Variants in CLASP1 observed in about 807,000 individuals in gnomAD.
The protein encoded by CLASP1 is CLIP-associating protein 1.
A neutral mutation model predicts 192.3 loss-of-function variants in CLASP1; 38 were observed. The ratio of observed to expected loss-of-function variants is 0.20; its 90% CI spans 0.15 to 0.26. CLASP1 has a LOEUF of 0.26. Among genes scored for constraint, CLASP1 ranks in the 10% least tolerant of loss-of-function variants. CLASP1 has a pLI of 1.00. For missense variants in CLASP1, 1,433 were observed against 1,932.5 expected (o/e 0.74, Z 4.85); for synonymous variants, 691 against 712.8 (o/e 0.97, Z 0.49).
At chr2:121,534,530 T>C (rs2094988936) in intron 2 of CLASP1, among the ~76,000 whole-genome samples, 1 of 152,082 alleles carries the variant, frequency 6.6e-6, no homozygotes, top group African/African-American at 2.4e-5. Context: ...AAATTTTCTT[T>C]TGTTGTTGTT....
chr2:121,374,766 T>C (rs374743274), intron 34 of CLASP1, among the ~76,000 whole-genome samples: 126 of 152,348 alleles, frequency 8.3e-4, no homozygotes, highest in African/African-American at 2.9e-3. Context: ...CTGTAGTCCC[T>C]TTGTTTTGGC....
chr2:121,510,353 G>A lies in CLASP1; in HGVS notation c.644+5312C>T, dbSNP rs1415703713. Among the ~76,000 whole-genome samples, 5 of 152,168 alleles carry A rather than the reference G, an allele frequency of 3.3e-5. No individual in the cohort carries two copies. In the East Asian group the frequency reaches 9.6e-4, roughly 29 times the overall value. On this transcript the variant is annotated intron_variant, in intron 7 of 39. Coordinates refer to ENST00000263710, the Ensembl canonical transcript of CLASP1. ...AATTAATGAAATAAGAACCTTGAAAGGGAAGGCATTACTGCTAAGCATGTA... is the reference window on the plus strand; with the variant it reads ...AATTAATGAAATAAGAACCTTGAAAAGGAAGGCATTACTGCTAAGCATGTA...
At chr2:121,341,272 T>C (rs2149076627) in intron 39 of CLASP1, among the ~76,000 whole-genome samples, 1 of 152,252 alleles carries the variant, frequency 6.6e-6, no homozygotes, top group East Asian at 1.9e-4. Context: ...GCCATTCATC[T>C]CAAGCACGAC....
chr2:121,480,967 C>A (rs2092554623), intron 8 of CLASP1, among the ~76,000 whole-genome samples: 1 of 152,236 alleles, frequency 6.6e-6, no homozygotes, highest in Non-Finnish European at 1.5e-5. Context: ...TAATGCCTGG[C>A]ATGCGTCCAA....
rs536508666 is a variant in CLASP1 at position 121,407,207 on chromosome 2, T to C, written c.2669+264A>G. ...TCCAGTCTGGGCAACAGAGCGAGAT[T>C]CCATCTCAAAAAAAAAAAAAAAGTA... On this transcript the variant is annotated intron_variant, in intron 25 of 39. Coordinates refer to ENST00000263710, the Ensembl canonical transcript of CLASP1. 2.0e-3 allele frequency among the ~76,000 whole-genome samples: 288 copies of C among 142,598 alleles called. 2 individuals carry two copies. Among genetic ancestry groups the C allele is most frequent in the African/African-American group, 6.7e-3 (241 of 35,718 alleles). 93.5% of individuals were successfully genotyped at this position (142,598 alleles called of 152,430 possible).
At chr2:121,594,372 T>C (rs2062850448) in intron 2 of CLASP1, among the ~76,000 whole-genome samples, 1 of 150,778 alleles carries the variant, frequency 6.6e-6, no homozygotes, top group Non-Finnish European at 1.5e-5. Context: ...GTATGTCTCG[T>C]AAATCAGGTA....
intron 2 of CLASP1, among the ~76,000 whole-genome samples, chr2:121,579,464 C>T (rs1422857880): frequency 6.6e-6 from 1 of 152,184 alleles, no homozygotes; most frequent in Non-Finnish European, 1.5e-5. Flanking sequence ...AACCGTTATC[C>T]ATTAGCAGCT....
At chr2:121,514,887 C>G (rs972475537) in intron 7 of CLASP1, among the ~76,000 whole-genome samples, 2 of 152,096 alleles carry the variant, frequency 1.3e-5, no homozygotes, top group African/African-American at 4.8e-5. Context: ...GCTGTGTAAT[C>G]TCTCAAAAGT....
At chr2:121,514,952 T>C (rs1346233923) in intron 7 of CLASP1, among the ~76,000 whole-genome samples, 1 of 152,202 alleles carries the variant, frequency 6.6e-6, no homozygotes, top group African/African-American at 2.4e-5. Flanking sequence ...CAGGCTCAGA[T>C]AAGCTGCCCT....
At chr2:121,453,026 C>T (rs1436445782) in intron 14 of CLASP1, among the ~76,000 whole-genome samples, 1 of 152,194 alleles carries the variant, frequency 6.6e-6, no homozygotes, top group Non-Finnish European at 1.5e-5. Context: ...GCGGCTCACG[C>T]CTGTAATCCC....
At chr2:121,580,687 T>C (rs1192895797) in intron 2 of CLASP1, among the ~76,000 whole-genome samples, 1 of 152,262 alleles carries the variant, frequency 6.6e-6, no homozygotes, top group Non-Finnish European at 1.5e-5. Flanking sequence ...TATATTCTCC[T>C]AGTGCTGGGT....
chr2:121,340,839 A>G (rs2062694256), exon 40 of CLASP1: 1 of 1,592,958 alleles, frequency 6.3e-7, no homozygotes. Flanking sequence ...TTCTAGGTCT[A>G]CACAAGAGAC....
intron 1 of CLASP1, among the ~76,000 whole-genome samples, chr2:121,607,776 T>A (rs1002106449): frequency 6.6e-6 from 1 of 152,172 alleles, no homozygotes; most frequent in Non-Finnish European, 1.5e-5. Flanking sequence ...AAATTCTCAG[T>A]AGAGTAACTC....
chr2:121,394,656 C>T (rs1029836285), intron 30 of CLASP1, among the ~76,000 whole-genome samples: 8 of 152,094 alleles, frequency 5.3e-5, no homozygotes, highest in Non-Finnish European at 1.2e-4. Context: ...CCAAGGTGGG[C>T]GGATCACGAG....
intron 8 of CLASP1, among the ~76,000 whole-genome samples, chr2:121,479,631 T>A (rs1489653456): frequency 6.6e-6 from 1 of 152,224 alleles, no homozygotes; most frequent in Non-Finnish European, 1.5e-5. Flanking sequence ...ACTGTCTGAA[T>A]TGAATGGCTG....
At chr2:121,446,639 GAC>G (rs1395877703) in intron 19 of CLASP1, among the ~76,000 whole-genome samples, 8 of 152,188 alleles carry the variant, frequency 5.3e-5, no homozygotes, top group African/African-American at 1.7e-4. Flanking sequence ...CAATTAGCCT[GAC>G]ACACAGTACG....
chr2:121,589,570 C>T (rs980038579), intron 2 of CLASP1, among the ~76,000 whole-genome samples: 5 of 146,502 alleles, frequency 3.4e-5, no homozygotes, highest in Admixed American at 2.1e-4. Flanking sequence ...GCAGAGGTTG[C>T]GGTGAGCCAA....
chr2:121,613,241 GC>G (rs1482906897), intron 1 of CLASP1, among the ~76,000 whole-genome samples: 1 of 152,104 alleles, frequency 6.6e-6, no homozygotes, highest in Non-Finnish European at 1.5e-5. Flanking sequence ...AACATTCTCT[GC>G]CCCCACTACA....
chr2:121,478,804 A>ACACAAC (rs2092128337), intron 8 of CLASP1, among the ~76,000 whole-genome samples: 2 of 27,532 alleles, frequency 7.3e-5, no homozygotes, highest in Non-Finnish European at 1.6e-4. Flanking sequence ...CACACACCAC[A>ACACAAC]CACACACCCC....
Sources: allele counts gnomAD v4.1 joint callset (sites outside exome capture counted in the v4.1 genomes callset), GRCh38; gene constraint gnomAD v4.1.1; transcripts MANE v1.5; gene names NCBI Gene and HGNC (gene_info 2026-07-23, HGNC 2026-07-21).